The following ARRB1 variants were observed in gnomAD, a reference collection of about 807,000 sequenced individuals.
ARRB1 encodes beta-arrestin-1.
ARRB1 carries 21 observed loss-of-function variants against 56.8 expected under a neutral mutation model. The observed-to-expected ratio is 0.37, with a 90% CI of 0.26 to 0.53. The LOEUF is 0.53. Ranked by LOEUF, ARRB1 falls within the 20% of genes least tolerant of loss-of-function variation. The probability of loss-of-function intolerance (pLI) is 0.88; values close to 1 mark genes in which losing one functional copy is unlikely to be tolerated. For missense variants in ARRB1, 424 were observed against 553.7 expected, an observed-to-expected ratio of 0.77 and a Z score of 2.35; for synonymous variants, 210 against 218.6, an observed-to-expected ratio of 0.96 and a Z score of 0.35.
intron 1 of ARRB1, among the ~76,000 whole-genome samples, chr11:75,301,662 A>G (rs1284159508): frequency 1.3e-5 from 2 of 152,152 alleles, no homozygotes; most frequent in African/African-American, 4.8e-5. Context: ...ATTCTGACCC[A>G]CTTTCCTCAG....
intron 1 of ARRB1, among the ~76,000 whole-genome samples, chr11:75,301,752 G>A (rs542469844): frequency 6.6e-5 from 10 of 152,260 alleles, no homozygotes; most frequent in African/African-American, 2.2e-4. Flanking sequence ...GGCCCTTATC[G>A]CATTCTCCCT....
At chr11:75,304,882 C>T (rs2140469999) in intron 1 of ARRB1, among the ~76,000 whole-genome samples, 1 of 150,150 alleles carries the variant, frequency 6.7e-6, no homozygotes, top group East Asian at 2.0e-4. Flanking sequence ...TGGGCAACAA[C>T]CTGTCTTTAA....
intron 1 of ARRB1, among the ~76,000 whole-genome samples, chr11:75,318,717 C>T (rs367752568): frequency 6.6e-6 from 1 of 151,932 alleles, no homozygotes; most frequent in Non-Finnish European, 1.5e-5. Context: ...GAGATCCTCC[C>T]GCCTCAGCCT....
At chr11:75,316,368 T>C (rs1947265268) in intron 1 of ARRB1, among the ~76,000 whole-genome samples, 1 of 151,140 alleles carries the variant, frequency 6.6e-6, no homozygotes, top group Non-Finnish European at 1.5e-5. Flanking sequence ...TCTCCTCTGG[T>C]CATCTATAGA....
intron 1 of ARRB1, among the ~76,000 whole-genome samples, chr11:75,348,765 T>A (rs1947808573): frequency 6.6e-6 from 1 of 152,094 alleles, no homozygotes; most frequent in Non-Finnish European, 1.5e-5. Context: ...ACTCAGCTAA[T>A]TTTTGTGTTT....
intron 2 of ARRB1, among the ~76,000 whole-genome samples, chr11:75,289,103 T>C (rs1368878707): frequency 1.3e-5 from 2 of 152,088 alleles, no homozygotes; most frequent in Non-Finnish European, 2.9e-5. Flanking sequence ...TGGTGACTGA[T>C]GTTATCTACT....
In ARRB1 at chr11:75,281,079, T is replaced by A; in HGVS notation, c.478A>T (p.Lys160Ter). 6.2e-7 allele frequency: 1 copy of A among 1,602,106 alleles called. No homozygotes were observed. Among genetic ancestry groups the A allele is most frequent in the Non-Finnish European group, 8.5e-7 (1 of 1,173,944 alleles). ...ACACCCTGGCATCCTACTCACCGCTTGTGGATCTTCTCCTCCAAATTCTCC... is the reference window on the plus strand; with the variant it reads ...ACACCCTGGCATCCTACTCACCGCTAGTGGATCTTCTCCTCCAAATTCTCC... ...CAENLEEKIH[K>*]RNSVRLVIRK... The change falls in exon 7 of 16, where the codon AAG (lysine) becomes TAG (stop). Residue 160 changes from lysine (K) to a stop codon, truncating the protein, a stop_gained. Transcript: ENST00000420843. LOFTEE classifies it high-confidence loss of function.
At chr11:75,277,513 G>A in intron 8 of ARRB1, 65 bp from the exon 9 acceptor site, 1 of 1,441,972 alleles carries the variant, frequency 6.9e-7, no homozygotes, top group Non-Finnish European at 9.8e-7. Flanking sequence ...AAAGGGGAGG[G>A]AGAAAAGCCC....
chr11:75,305,968 C>T (rs977500523), intron 1 of ARRB1, among the ~76,000 whole-genome samples: 6 of 152,144 alleles, frequency 3.9e-5, no homozygotes, highest in Admixed American at 1.3e-4. Context: ...TGACCAAATT[C>T]CTTGATATCT....
intron 1 of ARRB1, among the ~76,000 whole-genome samples, chr11:75,293,675 T>C (rs966521501): frequency 2.6e-5 from 4 of 152,110 alleles, no homozygotes; most frequent in African/African-American, 9.7e-5. Context: ...TAAGGCTCAG[T>C]GGAGACAAGG....
Position 75,268,893 on chromosome 11 carries a change from C to G in ARRB1, c.1089G>C (p.Arg363=), listed in dbSNP as rs773982352. The change falls in exon 14 of 16, where the codon CGG becomes CGC. Residue 363 remains arginine (R), a synonymous_variant. Transcript: ENST00000420843. ...AGACCTACAGATTCTGCTCACCTTC[C>G]CGATGCGGGGGTTCCTCTTTGGGCT... ...HPKPKEEPPH[R]EVPENETPVD... is the part of the protein sequence containing the mutation. The G allele has an allele frequency of 1.2e-6, 2 of 1,608,942 alleles. No homozygotes were observed. The highest frequency in any genetic ancestry group is 2.2e-5 in the South Asian group (2 of 90,374).
At chr11:75,300,935 TC>T (rs1162557018) in intron 1 of ARRB1, among the ~76,000 whole-genome samples, 1 of 129,504 alleles carries the variant, frequency 7.7e-6, no homozygotes, top group Admixed American at 8.6e-5. Context: ...GCCACTGCAC[TC>T]CAGCCTGGGC....
chr11:75,290,072 C>A, intron 1 of ARRB1, 33 bp from the exon 2 acceptor site: 5 of 1,613,742 alleles, frequency 3.1e-6, no homozygotes, highest in Non-Finnish European at 4.2e-6. Flanking sequence ...GGCCAGGGTT[C>A]GCGTATCCTG....
chr11:75,306,429 C>G, intron 1 of ARRB1: 2 of 501,502 alleles, frequency 4.0e-6, no homozygotes, highest in Non-Finnish European at 7.4e-6. Context: ...CCATCCCCAC[C>G]TATGCCAGAG....
At chr11:75,266,951 G>A (rs994080785) in intron 15 of ARRB1, among the ~76,000 whole-genome samples, 2 of 152,276 alleles carry the variant, frequency 1.3e-5, no homozygotes, top group South Asian at 4.1e-4. Context: ...CTGCCTTTAA[G>A]AACAGCGAGT....
intron 15 of ARRB1, among the ~76,000 whole-genome samples, chr11:75,267,314 C>T (rs975495121): frequency 8.5e-5 from 13 of 152,200 alleles, no homozygotes; most frequent in Admixed American, 3.3e-4. Context: ...CACTGGTTGG[C>T]GTGGGCAGGA....
At chr11:75,298,147 C>T (rs1034222112) in intron 1 of ARRB1, among the ~76,000 whole-genome samples, 2 of 150,306 alleles carry the variant, frequency 1.3e-5, no homozygotes, top group Non-Finnish European at 2.9e-5. Flanking sequence ...ATGTAAATGA[C>T]GAGTTGATGG....
chr11:75,319,116 C>G (rs976830665), intron 1 of ARRB1, among the ~76,000 whole-genome samples: 1 of 152,196 alleles, frequency 6.6e-6, no homozygotes, highest in Non-Finnish European at 1.5e-5. Context: ...GAACCTGGTT[C>G]TATCTATGTT....
chr11:75,303,380 G>T (rs1330931228), intron 1 of ARRB1, among the ~76,000 whole-genome samples: 1 of 151,964 alleles, frequency 6.6e-6, no homozygotes, highest in Non-Finnish European at 1.5e-5. Context: ...ACTATCCTTT[G>T]CATCAGTTCT....
Sources: gnomAD v4.1 joint callset for allele counts (sites outside exome capture counted in the v4.1 genomes callset) on GRCh38, gnomAD v4.1.1 for gene constraint, MANE v1.5 for transcripts, NCBI Gene and HGNC (gene_info 2026-07-23, HGNC 2026-07-21) for gene names.